The following PDPK1 variants were observed in gnomAD, a reference collection of about 807,000 sequenced individuals.
The protein encoded by PDPK1 is 3-phosphoinositide-dependent protein kinase 1.
PDPK1 carries 7 observed loss-of-function variants against 39.8 expected under a neutral mutation model. That is an observed-to-expected ratio of 0.18 (90% CI 0.10 to 0.33). The LOEUF (loss-of-function observed/expected upper bound fraction) is 0.33. Among genes scored for constraint, PDPK1 ranks in the 10% least tolerant of loss-of-function variants. PDPK1 has a pLI of 1.00. For missense variants in PDPK1, 182 were observed against 384.7 expected, an observed-to-expected ratio of 0.47 and a Z score of 4.41; for synonymous variants, 118 against 159.1, an observed-to-expected ratio of 0.74 and a Z score of 1.95.
At chr16:2,586,943 A>C in intron 11 of PDPK1, 50 bp downstream of exon 11, 1 of 1,513,446 alleles carries the variant, frequency 6.6e-7, no homozygotes, top group Non-Finnish European at 9.2e-7. Context: ...TGCAGCGTGA[A>C]CACGTGGGGG....
chr16:2,595,870 G>A lies in PDPK1; in HGVS notation c.1401+20G>A, dbSNP rs746886761. The A allele has an allele frequency of 1.6e-5, 26 of 1,599,582 alleles. No individual in the cohort carries two copies. Among genetic ancestry groups the A allele is most frequent in the Middle Eastern group, 1.7e-4 (1 of 6,036 alleles). Reference sequence around the variant, plus strand: ...CGGAAGGTGAGTGGTCAGTGGTCCCGCTGCTCCGCACGGACACCTGCATCT... The same window carrying A: ...CGGAAGGTGAGTGGTCAGTGGTCCCACTGCTCCGCACGGACACCTGCATCT... On this transcript the variant is annotated intron_variant, in intron 12 of 13. Transcript: ENST00000342085.
At chr16:2,585,705 C>T (rs973541258) in intron 10 of PDPK1, among the ~76,000 whole-genome samples, 1 of 152,222 alleles carries the variant, frequency 6.6e-6, no homozygotes, top group Non-Finnish European at 1.5e-5. Flanking sequence ...TTCCACCATG[C>T]CCGTTGGCGA....
At chr16:2,586,949 G>T in intron 11 of PDPK1, 56 bp downstream of exon 11, 1 of 1,470,948 alleles carries the variant, frequency 6.8e-7, no homozygotes. Context: ...GTGAACACGT[G>T]GGGGCTTATG....
chr16:2,587,018 G>A (rs2066891168), intron 11 of PDPK1, 125 bp downstream of exon 11: 2 of 829,778 alleles, frequency 2.4e-6, no homozygotes, highest in South Asian at 3.0e-5. Flanking sequence ...TGGCCAAGGA[G>A]CACATCGTAA....
rs984671135 is a variant in PDPK1 at position 2,538,161 on chromosome 16, C to T, written c.24+25C>T. 3 of 1,051,988 alleles carry T rather than the reference C, an allele frequency of 2.9e-6. No homozygotes were observed. The Admixed American group carries it at 1.7e-4, about 59-fold the overall frequency. 65.2% of individuals were successfully genotyped at this position (1,051,988 alleles called of 1,614,324 possible). The stretch of plus-strand genomic sequence containing the variant: ...GGTGAGCGCGCGGCGGCGGACTGGA[C>T]GCGCCGGTTTGTTACCCTGCCGGGT... On this transcript the variant is annotated intron_variant, in intron 1 of 13. Transcript: ENST00000342085.
intron 1 of PDPK1, among the ~76,000 whole-genome samples, chr16:2,545,658 C>T (rs748496035): frequency 4.6e-5 from 7 of 152,114 alleles, no homozygotes; most frequent in African/African-American, 7.2e-5. Flanking sequence ...CCACACTCGG[C>T]TAATTTTTAT....
chr16:2,551,695 TC>T (rs1354240845), intron 1 of PDPK1, among the ~76,000 whole-genome samples: 2 of 150,548 alleles, frequency 1.3e-5, no homozygotes, highest in Non-Finnish European at 3.0e-5. Flanking sequence ...AGACGGAGTT[TC>T]GCTTTTTTTA....
Position 2,558,654 on chromosome 16 carries a change from T to C in PDPK1, c.285+691T>C, listed in dbSNP as rs1249099996. 2.7e-5 allele frequency among the ~76,000 whole-genome samples: 4 copies of C among 148,628 alleles called. 1 individual carries two copies. The highest frequency in any genetic ancestry group is 5.2e-5 in the African/African-American group (2 of 38,198). ...GTGGTTGTGGATTTAGTGAAGGTTG[T>C]AACAGGTTCAGGGGAGGCCTGAGCA... On this transcript the variant is annotated intron_variant, in intron 2 of 13. Transcript: ENST00000342085.
rs1432593687 is a variant in PDPK1 at position 2,593,444 on chromosome 16, G to A, written c.1344-2349G>A. Reference sequence around the variant, plus strand: ...CTCTTTCCGTGGCTCCCACAGCTCAGTGCTGGGCTGCTGTTCTCGCTCTCA... The same window carrying A: ...CTCTTTCCGTGGCTCCCACAGCTCAATGCTGGGCTGCTGTTCTCGCTCTCA... On this transcript the variant is annotated intron_variant, in intron 11 of 13. Transcript: ENST00000342085. The surrounding 1 kb of genome is among the most constrained non-coding windows in gnomAD (Gnocchi z 4.2). 3.7e-6 allele frequency: 1 copy of A among 272,252 alleles called. No homozygotes were observed. The highest frequency in any genetic ancestry group is 7.2e-6 in the Non-Finnish European group (1 of 139,728). 16.9% of individuals were successfully genotyped at this position (272,252 alleles called of 1,614,324 possible).
chr16:2,589,234 G>A (rs1006912614), intron 11 of PDPK1, among the ~76,000 whole-genome samples: 2 of 152,188 alleles, frequency 1.3e-5, no homozygotes, highest in Admixed American at 1.3e-4. Context: ...GGGATTTCAG[G>A]TGTGAGCCAC....
At chr16:2,545,798 A>G (rs1340982579) in intron 1 of PDPK1, among the ~76,000 whole-genome samples, 11 of 151,626 alleles carry the variant, frequency 7.3e-5, no homozygotes, top group Admixed American at 7.2e-4. Context: ...AGCACTGGCT[A>G]ATTATAATTT....
intron 6 of PDPK1, among the ~76,000 whole-genome samples, chr16:2,574,137 C>T (rs1195671034): frequency 5.2e-4 from 1 of 1,936 alleles, no homozygotes; most frequent in East Asian, 5.4e-3. Flanking sequence ...TTCCCTGCCC[C>T]GCACCCTGCT....
In PDPK1 at chr16:2,597,419, C is replaced by T; in HGVS notation, c.1554+144C>T. 1 of 798,092 alleles carries T rather than the reference C, an allele frequency of 1.3e-6. No homozygotes were observed. Among genetic ancestry groups the T allele is most frequent in the South Asian group, 1.7e-5 (1 of 59,734 alleles). The allele number at this position is 798,092 out of a possible 1,614,324, so 49.4% of individuals were successfully genotyped here. A position where few individuals can be genotyped will look rare whatever the true frequency, so the allele number is the denominator to read the frequency against. ...CTTTCCGACATCCCAGACGCCCACA[C>T]TAGTGGCTCAGTCCTGAGGGGGCAG... On this transcript the variant is annotated intron_variant, in intron 13 of 13. Transcript: ENST00000342085. This position sits in a 1 kb window ranked among gnomAD's most constrained non-coding sequence, Gnocchi z 6.3.
intron 7 of PDPK1, among the ~76,000 whole-genome samples, chr16:2,578,224 C>T (rs534168640): frequency 8.3e-5 from 12 of 143,800 alleles, no homozygotes; most frequent in Non-Finnish European, 1.2e-4. Context: ...CTGGAGGGTG[C>T]GGGTGTGGGA....
At chr16:2,542,421 A>G (rs1282859486) in intron 1 of PDPK1, among the ~76,000 whole-genome samples, 1 of 152,202 alleles carries the variant, frequency 6.6e-6, no homozygotes, top group Admixed American at 6.5e-5. Flanking sequence ...GGCCTCCCAA[A>G]GTGCTGGGAT....
intron 1 of PDPK1, among the ~76,000 whole-genome samples, chr16:2,540,235 C>T (rs762884305): frequency 1.3e-5 from 2 of 152,172 alleles, no homozygotes; most frequent in East Asian, 3.8e-4. Context: ...TGTGTGTCCG[C>T]GTGGACAGCC....
rs78963888 is a variant in PDPK1 at position 2,541,699 on chromosome 16, A to G, written c.24+3563A>G. On this transcript the variant is annotated intron_variant, in intron 1 of 13. Transcript: ENST00000342085. ...TTCAAAGGGCAGTGTGCTGGGAGGA[A>G]GTGCTGCTGTGGAAACTGCAAGTTT... Among the ~76,000 whole-genome samples the G allele has an allele frequency of 1.4e-3, 204 of 145,584 alleles. 1 individual carries two copies. The highest frequency in any genetic ancestry group is 4.0e-3 in the Middle Eastern group (1 of 252).
In PDPK1 at chr16:2,599,391, G is replaced by A. The variant is rs1409896265; in HGVS notation, c.*1624G>A. The A allele has an allele frequency of 1.3e-5, 3 of 233,336 alleles. No individual in the cohort carries two copies. The highest frequency in any genetic ancestry group is 5.6e-5 in the Admixed American group (1 of 17,790). 14.5% of individuals were successfully genotyped at this position (233,336 alleles called of 1,614,324 possible). On this transcript the variant is annotated 3_prime_UTR_variant, in exon 14 of 14. Coordinates refer to ENST00000342085, the MANE Select transcript of PDPK1 (RefSeq NM_002613.5). Reference sequence around the variant, plus strand: ...CGTTTTTACACTGCTAATGACGAGAGTGGCTCTTTTTAGCTAGGCGAGTAC... The same window carrying A: ...CGTTTTTACACTGCTAATGACGAGAATGGCTCTTTTTAGCTAGGCGAGTAC...
At chr16:2,553,030 G>A (rs1333967290) in intron 1 of PDPK1, among the ~76,000 whole-genome samples, 7 of 146,454 alleles carry the variant, frequency 4.8e-5, no homozygotes, top group Non-Finnish European at 1.0e-4. Flanking sequence ...CTTGGGGGTG[G>A]TACGTGCACC....
Sources: gnomAD v4.1 joint callset for allele counts (sites outside exome capture counted in the v4.1 genomes callset) on GRCh38, gnomAD v4.1.1 for gene constraint, Gnocchi (gnomAD v3.1) non-coding constraint, MANE v1.5 for transcripts, NCBI Gene and HGNC (gene_info 2026-07-23, HGNC 2026-07-21) for gene names.